Variants in SGCZ observed in about 807,000 individuals in gnomAD.
SGCZ encodes sarcoglycan zeta.
In SGCZ, 40 loss-of-function variants were observed where a neutral mutation model predicts 41.3. The observed-to-expected ratio is 0.97, with a 90% CI of 0.75 to 1.26. The LOEUF (loss-of-function observed/expected upper bound fraction) is 1.26, where lower values mean the gene tolerates loss of function less well. Ranked by LOEUF, SGCZ falls within the 50% of genes most tolerant of loss-of-function variation. SGCZ has a pLI of 0.00. For synonymous variants in SGCZ, 206 were observed against 137.5 expected, an observed-to-expected ratio of 1.50 and a Z score of -3.49; for missense variants, 552 against 369.8, an observed-to-expected ratio of 1.49 and a Z score of -4.04.
At chr8:14,321,592 A>C (rs773557595) in intron 3 of SGCZ, among the ~76,000 whole-genome samples, 11 of 152,114 alleles carry the variant, frequency 7.2e-5, no homozygotes, top group Non-Finnish European at 1.5e-4. Flanking sequence ...ATACTGGCTA[A>C]ATTTAAAGAG....
At chr8:14,902,573 G>A (rs758476230) in intron 1 of SGCZ, among the ~76,000 whole-genome samples, 1 of 152,146 alleles carries the variant, frequency 6.6e-6, no homozygotes, top group East Asian at 1.9e-4. Context: ...TCTGGTTTTG[G>A]TGAATACCTT....
At chr8:15,066,265 G>A (rs1173749506) in intron 1 of SGCZ, among the ~76,000 whole-genome samples, 3 of 146,412 alleles carry the variant, frequency 2.0e-5, no homozygotes, top group African/African-American at 5.1e-5. Flanking sequence ...CCGAGATTGC[G>A]CCACTGCAGT....
chr8:14,339,393 T>C (rs748425340), intron 2 of SGCZ, among the ~76,000 whole-genome samples: 20 of 152,200 alleles, frequency 1.3e-4, no homozygotes, highest in African/African-American at 2.4e-4. Context: ...TACAGAAACA[T>C]TGACAAAACT....
At chr8:15,180,859 CCTG>C (rs1800154497) in intron 1 of SGCZ, among the ~76,000 whole-genome samples, 1 of 151,348 alleles carries the variant, frequency 6.6e-6, no homozygotes. Flanking sequence ...TGCACTCCAG[CCTG>C]GGCAACAGAG....
At chr8:14,370,985 T>C (rs1400685714) in intron 2 of SGCZ, among the ~76,000 whole-genome samples, 1 of 152,034 alleles carries the variant, frequency 6.6e-6, no homozygotes, top group Non-Finnish European at 1.5e-5. Flanking sequence ...TCTATGGAGA[T>C]TATAAATGAA....
At position 14,237,646 on chromosome 8, in the gene SGCZ, C is replaced by T. The variant is rs1806815722; in HGVS notation, c.370G>A (p.Val124Ile). The T allele has an allele frequency of 1.9e-6, 3 of 1,613,942 alleles. No individual in the cohort carries two copies. Among genetic ancestry groups the T allele is most frequent in the Non-Finnish European group, 8.5e-7 (1 of 1,179,858 alleles). Residue 124 changes from valine (V) to isoleucine (I), a missense_variant, in exon 4 of 8, where the codon GTC (valine) becomes ATC (isoleucine). Physicochemically the swap from Val to Ile is conservative, Grantham distance 29. Transcript: ENST00000382080. ...SPLVLQSDRN[V>I]TVNARNHMGQ... Reference sequence around the variant, plus strand: ...ATGTGATTTCTTGCATTCACTGTGACATTCCTGTCAGACTGTAAGACCAGC... The same window carrying T: ...ATGTGATTTCTTGCATTCACTGTGATATTCCTGTCAGACTGTAAGACCAGC...
At chr8:14,192,323 C>T (rs11203583) in intron 4 of SGCZ, among the ~76,000 whole-genome samples, 113,003 of 151,800 alleles carry the variant, frequency 0.74, 42,900 homozygotes, top group African/African-American at 0.88. Flanking sequence ...GTCAGCTGGA[C>T]AACTACCATC....
chr8:14,227,827 T>C (rs776960812), intron 4 of SGCZ, among the ~76,000 whole-genome samples: 8 of 152,044 alleles, frequency 5.3e-5, no homozygotes, highest in Non-Finnish European at 1.0e-4. Flanking sequence ...TGACTTGGAA[T>C]TTTCCCAAAA....
intron 2 of SGCZ, among the ~76,000 whole-genome samples, chr8:14,496,035 T>C (rs536140985): frequency 5.9e-5 from 9 of 152,148 alleles, no homozygotes; most frequent in Admixed American, 6.6e-5. Flanking sequence ...GGGCTGGAAA[T>C]TGGAAAGATC....
intron 5 of SGCZ, among the ~76,000 whole-genome samples, chr8:14,137,917 G>C (rs916126722): frequency 1.3e-5 from 2 of 152,240 alleles, no homozygotes; most frequent in Admixed American, 6.5e-5. Flanking sequence ...AAAATATTAA[G>C]GGCAGCCAGA....
At chr8:15,195,356 T>C (rs1176481675) in intron 1 of SGCZ, among the ~76,000 whole-genome samples, 1 of 152,154 alleles carries the variant, frequency 6.6e-6, no homozygotes, top group Non-Finnish European at 1.5e-5. Flanking sequence ...CGGTAACTGA[T>C]TTGTCTGAAC....
intron 1 of SGCZ, among the ~76,000 whole-genome samples, chr8:14,818,555 G>T (rs150609073): frequency 6.6e-5 from 10 of 152,148 alleles, no homozygotes; most frequent in African/African-American, 2.4e-4. Context: ...CTTCAAAGGA[G>T]TACAATAAGT....
chr8:15,056,349 G>GA (rs1484963738), intron 1 of SGCZ, among the ~76,000 whole-genome samples: 2 of 152,072 alleles, frequency 1.3e-5, no homozygotes, highest in South Asian at 2.1e-4. Flanking sequence ...ATGTTAATTA[G>GA]AAAAAATAAT....
At chr8:14,399,706 A>G (rs1011516550) in intron 2 of SGCZ, among the ~76,000 whole-genome samples, 4 of 152,130 alleles carry the variant, frequency 2.6e-5, no homozygotes, top group Non-Finnish European at 5.9e-5. Context: ...TTCAGAACAT[A>G]TTATGCTTTG....
At chr8:14,589,052 C>G (rs558580778) in intron 1 of SGCZ, among the ~76,000 whole-genome samples, 1 of 152,130 alleles carries the variant, frequency 6.6e-6, no homozygotes, top group African/African-American at 2.4e-5. Context: ...AATTGTGTGA[C>G]CTTTGTTCAA....
At chr8:14,359,026 T>C (rs1803406366) in intron 2 of SGCZ, among the ~76,000 whole-genome samples, 2 of 152,190 alleles carry the variant, frequency 1.3e-5, no homozygotes, top group South Asian at 4.1e-4. Context: ...GACTTTCTTT[T>C]AATTAGGATT....
intron 1 of SGCZ, among the ~76,000 whole-genome samples, chr8:15,103,013 T>A (rs557048649): frequency 6.7e-4 from 102 of 152,304 alleles, no homozygotes; most frequent in Middle Eastern, 3.4e-3. Context: ...CAATATAATG[T>A]AATATAAATA....
At chr8:14,946,926 G>A (rs1963534) in intron 1 of SGCZ, among the ~76,000 whole-genome samples, 3 of 151,696 alleles carry the variant, frequency 2.0e-5, no homozygotes, top group South Asian at 2.1e-4. Context: ...CGCCCGCCTC[G>A]GCCTCCCAAC....
intron 2 of SGCZ, among the ~76,000 whole-genome samples, chr8:14,478,944 G>A (rs1420411011): frequency 2.6e-5 from 4 of 152,020 alleles, no homozygotes; most frequent in African/African-American, 7.2e-5. Flanking sequence ...GTTCTCTCTC[G>A]TTTTCATACG....
Sources: allele counts gnomAD v4.1 joint callset (sites outside exome capture counted in the v4.1 genomes callset), GRCh38; gene constraint gnomAD v4.1.1; transcripts MANE v1.5; gene names NCBI Gene and HGNC (gene_info 2026-07-23, HGNC 2026-07-21).